The following DNAH11 variants were observed in gnomAD, a reference collection of about 807,000 sequenced individuals.
DNAH11 encodes the protein dynein axonemal heavy chain 11, also known as axonemal beta dynein heavy chain 11.
DNAH11 carries 442 observed loss-of-function variants against 526.0 expected under a neutral mutation model. That is an observed-to-expected ratio of 0.84 (90% CI 0.78 to 0.91). DNAH11 has a LOEUF of 0.91. Among genes scored for constraint, DNAH11 ranks in the 40% least tolerant of loss-of-function variants. The pLI, the probability that DNAH11 is intolerant of heterozygous loss-of-function variation, is 0.00. For missense variants in DNAH11, 6,989 were observed against 5,448.7 expected, an observed-to-expected ratio of 1.28 and a Z score of -8.90; for synonymous variants, 2,461 against 1,935.9, an observed-to-expected ratio of 1.27 and a Z score of -7.12.
At chr7:21,786,809 C>G in intron 59 of DNAH11, 42 bp downstream of exon 59, 2 of 1,610,626 alleles carry the variant, frequency 1.2e-6, no homozygotes, top group Non-Finnish European at 1.7e-6. Context: ...TGATAATTTC[C>G]ATACTGTTTT....
At chr7:21,738,965 A>G (rs1346688339) in intron 47 of DNAH11, 99 bp downstream of exon 47, 7 of 1,116,954 alleles carry the variant, frequency 6.3e-6, no homozygotes, top group Non-Finnish European at 8.4e-6. Flanking sequence ...ATTATTATGG[A>G]TGAATTATTA....
At chr7:21,883,533 A>G (rs1044301139) in intron 75 of DNAH11, among the ~76,000 whole-genome samples, 11 of 152,242 alleles carry the variant, frequency 7.2e-5, no homozygotes, top group Non-Finnish European at 1.6e-4. Flanking sequence ...TTTGGAAAAT[A>G]CTAGGATTCT....
intron 62 of DNAH11, among the ~76,000 whole-genome samples, chr7:21,806,953 A>G (rs1448354868): frequency 6.6e-6 from 1 of 152,130 alleles, no homozygotes; most frequent in African/African-American, 2.4e-5. Flanking sequence ...AGCTTCCTCC[A>G]CTGATTTAAT....
At chr7:21,870,192 G>C (rs1374421449) in intron 73 of DNAH11, among the ~76,000 whole-genome samples, 1 of 152,168 alleles carries the variant, frequency 6.6e-6, no homozygotes, top group East Asian at 1.9e-4. Flanking sequence ...TTCAGTCTAG[G>C]ACTGTTTAGC....
At position 21,787,404 on chromosome 7, in the gene DNAH11, G is replaced by A. The variant is rs537824201; in HGVS notation, c.9745G>A (p.Asp3249Asn). 6.9e-6 allele frequency: 11 copies of A among 1,600,210 alleles called. No homozygotes were observed. In the East Asian group the frequency reaches 2.3e-4, roughly 33 times the overall value. The change falls in exon 60 of 82, where the codon GAT becomes AAT. Residue 3249 changes from aspartate (D) to asparagine (N), a missense_variant. Asp to Asn is a conservative substitution (Grantham distance 23, BLOSUM62 1). Transcript: ENST00000409508. ...AATAAATCTTTTTGCTTTGCAGGTTGATGATTTTTTGCAAGCATTAATTAA... is the reference window on the plus strand; with the variant it reads ...AATAAATCTTTTTGCTTTGCAGGTTAATGATTTTTTGCAAGCATTAATTAA... ...KAAKVFMGKV[D>N]DFLQALINYD...
At chr7:21,658,668 G>T (rs961966898) in intron 29 of DNAH11, 130 bp from the exon 30 acceptor site, 1 of 682,794 alleles carries the variant, frequency 1.5e-6, no homozygotes, top group Non-Finnish European at 2.3e-6. Flanking sequence ...GCCTCTTGCA[G>T]TTTTCTACCT....
intron 65 of DNAH11, among the ~76,000 whole-genome samples, chr7:21,823,992 C>G (rs542458203): frequency 3.5e-4 from 54 of 152,232 alleles, no homozygotes; most frequent in African/African-American, 1.3e-3. Flanking sequence ...ATGCAGTCTG[C>G]TAAGAGATTC....
intron 74 of DNAH11, among the ~76,000 whole-genome samples, chr7:21,878,234 C>T (rs758195411): frequency 1.3e-5 from 2 of 152,146 alleles, no homozygotes; most frequent in African/African-American, 4.8e-5. Context: ...TTTTTTCCTG[C>T]ATCATTTATG....
intron 68 of DNAH11, among the ~76,000 whole-genome samples, chr7:21,858,165 A>C (rs1001391774): frequency 6.6e-6 from 1 of 152,198 alleles, no homozygotes; most frequent in African/African-American, 2.4e-5. Flanking sequence ...AATGCAAAAT[A>C]AAAGCAGAAT....
Position 21,687,546 on chromosome 7 carries a change from A to T in DNAH11, c.5924+19A>T. On this transcript the variant is annotated intron_variant, in intron 34 of 81. Transcript: ENST00000409508. ...AGAAGAGGTGAGTGGCATGCAGGCT[A>T]TCTCTTGTTACAAATAGAAAAACAT... 1 of 1,609,800 alleles carries T rather than the reference A, an allele frequency of 6.2e-7. No individual in the cohort carries two copies. The highest frequency in any genetic ancestry group is 8.5e-7 in the Non-Finnish European group (1 of 1,177,850).
chr7:21,798,156 G>A (rs1788800531), intron 61 of DNAH11, among the ~76,000 whole-genome samples: 2 of 152,324 alleles, frequency 1.3e-5, no homozygotes, highest in African/African-American at 2.4e-5. Flanking sequence ...GAGTGCAGTG[G>A]CACGATCTCA....
chr7:21,689,674 C>G (rs917792908), intron 34 of DNAH11, among the ~76,000 whole-genome samples: 6 of 152,094 alleles, frequency 3.9e-5, no homozygotes, highest in Non-Finnish European at 7.4e-5. Context: ...GAAGTTTTCT[C>G]CATTTTTATC....
intron 61 of DNAH11, among the ~76,000 whole-genome samples, chr7:21,796,401 C>G (rs1233821766): frequency 2.0e-5 from 3 of 151,820 alleles, no homozygotes; most frequent in African/African-American, 7.3e-5. Flanking sequence ...AGCTGTGGGC[C>G]AATGAACAAA....
At chr7:21,571,721 C>T (rs1783897891) in intron 7 of DNAH11, 85 bp from the exon 8 acceptor site, 2 of 1,032,222 alleles carry the variant, frequency 1.9e-6, no homozygotes, top group African/African-American at 1.6e-5. Flanking sequence ...TGATTTTGAA[C>T]ATTTGAAAAT....
intron 8 of DNAH11, among the ~76,000 whole-genome samples, chr7:21,578,236 A>G (rs976732594): frequency 1.3e-5 from 2 of 152,248 alleles, no homozygotes; most frequent in African/African-American, 4.8e-5. Context: ...CCAAGATACA[A>G]TGAAGGTACA....
intron 63 of DNAH11, among the ~76,000 whole-genome samples, chr7:21,809,674 C>T (rs1789422631): frequency 6.6e-6 from 1 of 152,060 alleles, no homozygotes; most frequent in Non-Finnish European, 1.5e-5. Context: ...AGTGATTCTC[C>T]TGCCTCAGCC....
chr7:21,607,347 T>G (rs1460006844), intron 20 of DNAH11, among the ~76,000 whole-genome samples: 1 of 152,082 alleles, frequency 6.6e-6, no homozygotes, highest in African/African-American at 2.4e-5. Context: ...AGATTGAGGG[T>G]GGGTTTGCCT....
intron 74 of DNAH11, among the ~76,000 whole-genome samples, chr7:21,877,751 T>TCG (rs1345026208): frequency 1.3e-5 from 2 of 151,726 alleles, no homozygotes; most frequent in East Asian, 3.9e-4. Flanking sequence ...GGTGGGCGCC[T>TCG]GTAGTCCCAG....
chr7:21,544,213 A>G (rs1782716294), intron 1 of DNAH11, among the ~76,000 whole-genome samples: 1 of 152,236 alleles, frequency 6.6e-6, no homozygotes, highest in Non-Finnish European at 1.5e-5. Context: ...CCTAACGTAC[A>G]GCACTTGTAT....
Sources: gnomAD v4.1 joint callset for allele counts (sites outside exome capture counted in the v4.1 genomes callset) on GRCh38, gnomAD v4.1.1 for gene constraint, MANE v1.5 for transcripts, NCBI Gene and HGNC (gene_info 2026-07-23, HGNC 2026-07-21) for gene names.